Variants in PCDHA9 observed in about 807,000 individuals in gnomAD.
PCDHA9 encodes protocadherin alpha-9.
In PCDHA9, 62 loss-of-function variants were observed where a neutral mutation model predicts 62.0. That is an observed-to-expected ratio of 1.00 (90% confidence interval 0.81 to 1.23). The LOEUF (loss-of-function observed/expected upper bound fraction) is 1.23. PCDHA9 is among the 50% of genes most tolerant of loss of function. PCDHA9 has a pLI of 0.00. For missense variants in PCDHA9, 1,205 were observed against 1,249.8 expected, an observed-to-expected ratio of 0.96 and a Z score of 0.54; for synonymous variants, 557 against 567.6, an observed-to-expected ratio of 0.98 and a Z score of 0.27.
chr5:140,856,884 C>T, intron 1 of PCDHA9: 1 of 1,596,124 alleles, frequency 6.3e-7, no homozygotes. Context: ...ATGATGTATT[C>T]ATTTAGCTCT....
chr5:140,887,120 G>A (rs2061314160), intron 1 of PCDHA9, among the ~76,000 whole-genome samples: 1 of 148,878 alleles, frequency 6.7e-6, no homozygotes, highest in African/African-American at 2.5e-5. Context: ...TTTTTGAGAC[G>A]GAGTCTCACT....
chr5:140,857,779 T>C (rs2044890811), intron 1 of PCDHA9: 2 of 1,597,506 alleles, frequency 1.3e-6, no homozygotes, highest in Non-Finnish European at 8.6e-7. Context: ...GTGCAGTCAG[T>C]GAGCTGGTGC....
intron 1 of PCDHA9, chr5:140,876,486 G>T (rs2153341413): frequency 6.2e-7 from 1 of 1,614,014 alleles, no homozygotes; most frequent in Non-Finnish European, 8.5e-7. Context: ...TGGTCCTGGT[G>T]GAAGTTCTGG....
intron 1 of PCDHA9, chr5:140,868,166 T>G (rs1427031961): frequency 1.3e-5 from 2 of 152,120 alleles, no homozygotes; most frequent in Non-Finnish European, 2.9e-5. Flanking sequence ...AGTGCTAAAT[T>G]TTGATATCTC....
chr5:140,982,998 GAAAGAA>G (rs1469608645), intron 3 of PCDHA9, among the ~76,000 whole-genome samples: 10 of 151,726 alleles, frequency 6.6e-5, no homozygotes, highest in Admixed American at 5.2e-4. Context: ...AAGAAGGAAA[GAAAGAA>G]AAAGGAAGGA....
chr5:140,873,286 A>C (rs1337353218), intron 1 of PCDHA9, among the ~76,000 whole-genome samples: 3 of 152,246 alleles, frequency 2.0e-5, no homozygotes, highest in African/African-American at 7.2e-5. Flanking sequence ...ACCACTTATG[A>C]AACTTTATAA....
chr5:140,960,886 A>G (rs1161636963), intron 1 of PCDHA9, among the ~76,000 whole-genome samples: 1 of 152,198 alleles, frequency 6.6e-6, no homozygotes, highest in African/African-American at 2.4e-5. Context: ...CACACTAATG[A>G]ATTTGGGGCA....
At chr5:140,920,713 G>A (rs140720388) in intron 1 of PCDHA9, among the ~76,000 whole-genome samples, 41 of 152,140 alleles carry the variant, frequency 2.7e-4, no homozygotes, top group African/African-American at 9.6e-4. Context: ...GCATGGTGGT[G>A]TGCGCCTGCA....
intron 1 of PCDHA9, chr5:140,868,434 C>A (rs1581841717): frequency 6.6e-6 from 1 of 152,092 alleles, no homozygotes; most frequent in East Asian, 1.9e-4. Context: ...GAGAATAGAT[C>A]ATGTGGAACA....
At chr5:140,981,128 G>A (rs1340714771) in intron 2 of PCDHA9, among the ~76,000 whole-genome samples, 1 of 152,214 alleles carries the variant, frequency 6.6e-6, no homozygotes, top group Non-Finnish European at 1.5e-5. Flanking sequence ...GTTGTTTGAA[G>A]TCAAAGAGTG....
intron 1 of PCDHA9, among the ~76,000 whole-genome samples, chr5:140,956,940 T>G (rs1446313251): frequency 6.7e-6 from 1 of 150,168 alleles, no homozygotes; most frequent in Non-Finnish European, 1.5e-5. Flanking sequence ...AGGATAAAAT[T>G]TACATTAAAA....
At chr5:140,997,251 G>T (rs1217959179) in intron 3 of PCDHA9, among the ~76,000 whole-genome samples, 2 of 152,060 alleles carry the variant, frequency 1.3e-5, no homozygotes, top group Non-Finnish European at 2.9e-5. Context: ...TTACTTTAGG[G>T]TTCACTCTTC....
chr5:140,868,879 C>T (rs1247053599), intron 1 of PCDHA9: 1 of 693,900 alleles, frequency 1.4e-6, no homozygotes, highest in Non-Finnish European at 2.3e-6. Context: ...ACAGTACTCA[C>T]AGTTTTAGGC....
chr5:140,852,444 A>G (rs1327164540), intron 1 of PCDHA9: 1 of 183,986 alleles, frequency 5.4e-6, no homozygotes, highest in Non-Finnish European at 1.1e-5. Context: ...CGCCCAGCTA[A>G]TTTTTGTATT....
Position 140,850,559 on chromosome 5 carries a change from C to A in PCDHA9, c.2064C>A (p.Gly688=). The change falls in exon 1 of 4, where the codon GGC becomes GGA. Residue 688 remains glycine, a synonymous_variant. Transcript: ENST00000532602. ...SSSRASVGAT[G]PEVTLVDVNV... ...CGCGGGCGTCAGTGGGTGCCACGGG[C>A]CCCGAGGTGACGCTGGTGGATGTCA... The A allele has an allele frequency of 1.9e-6, 3 of 1,598,268 alleles. No individual in the cohort carries two copies. Among genetic ancestry groups the A allele is most frequent in the Non-Finnish European group, 2.6e-6 (3 of 1,167,814 alleles).
intron 1 of PCDHA9, among the ~76,000 whole-genome samples, chr5:140,960,639 C>T (rs1184483884): frequency 5.9e-5 from 9 of 152,058 alleles, no homozygotes; most frequent in Admixed American, 5.9e-4. Flanking sequence ...ATTTTTAAAA[C>T]CCCTATCCAA....
rs1012417649 is a variant in PCDHA9 at position 141,010,189 on chromosome 5, T to C, written c.*252T>C. On this transcript the variant is annotated 3_prime_UTR_variant, in exon 4 of 4. Coordinates refer to ENST00000532602, the MANE Select transcript of PCDHA9 (RefSeq NM_031857.2). ...AGAACCTAAAAAGCAGACCCAAGTT[T>C]CCTTTCTCCTCCGCCGCAAAGGAGA... 6 of 1,552,498 alleles carry C rather than the reference T, an allele frequency of 3.9e-6. No individual in the cohort carries two copies. Among genetic ancestry groups the C allele is most frequent in the Middle Eastern group, 1.7e-4 (1 of 5,994 alleles).
intron 1 of PCDHA9, chr5:140,875,272 A>G: frequency 1.6e-6 from 2 of 1,265,056 alleles, no homozygotes; most frequent in Non-Finnish European, 2.1e-6. Context: ...CTCTACACTC[A>G]GAAGGTGAAA....
In PCDHA9 at chr5:140,853,250, T is replaced by C. The variant is rs187095987; in HGVS notation, c.2394+2361T>C. 492 of 976,066 alleles carry C rather than the reference T, an allele frequency of 5.0e-4. 28 individuals carry two copies. The African/African-American group carries it at 6.8e-3, about 14-fold the overall frequency. The allele number at this position is 976,066 out of a possible 1,614,324, so 60.5% of individuals were successfully genotyped here. On this transcript the variant is annotated intron_variant, in intron 1 of 3. Transcript: ENST00000532602. ...ATTTAGTCCTTCATATTAATCTCTA[T>C]TCTCTCTCAGAGTACAAGCTCTCAT... is the stretch of plus-strand genomic sequence containing the variant.
Sources: allele counts gnomAD v4.1 joint callset (sites outside exome capture counted in the v4.1 genomes callset), GRCh38; gene constraint gnomAD v4.1.1; transcripts MANE v1.5; gene names NCBI Gene and HGNC (gene_info 2026-07-23, HGNC 2026-07-21).